DACH1: variants seen among roughly 807,000 people sequenced by gnomAD.
The protein encoded by DACH1 is dachshund homolog 1.
DACH1 carries 12 observed loss-of-function variants against 54.2 expected under a neutral mutation model. The ratio of observed to expected loss-of-function variants is 0.22; its 90% CI spans 0.14 to 0.36. DACH1 has a LOEUF of 0.36. DACH1 is among the 10% of genes least tolerant of loss of function. DACH1 has a pLI of 1.00. For missense variants in DACH1, 805 were observed against 929.8 expected, an observed-to-expected ratio of 0.87 and a Z score of 1.75; for synonymous variants, 386 against 366.2, an observed-to-expected ratio of 1.05 and a Z score of -0.62.
intron 2 of DACH1, among the ~76,000 whole-genome samples, chr13:71,657,954 A>G (rs1353028809): frequency 6.6e-6 from 1 of 152,222 alleles, no homozygotes; most frequent in East Asian, 1.9e-4. Context: ...TTCAACACAA[A>G]ATAAAAAATG....
intron 1 of DACH1, among the ~76,000 whole-genome samples, chr13:71,756,322 A>G (rs1594182909): frequency 1.3e-5 from 2 of 152,084 alleles, no homozygotes; most frequent in East Asian, 3.9e-4. Context: ...GGATTACCTA[A>G]GTGTGAGCCA....
intron 1 of DACH1, among the ~76,000 whole-genome samples, chr13:71,712,519 T>C (rs1882767221): frequency 6.6e-6 from 1 of 152,098 alleles, no homozygotes; most frequent in South Asian, 2.1e-4. Flanking sequence ...ACTTGGCAAA[T>C]GTTTTTAGAA....
intron 1 of DACH1, among the ~76,000 whole-genome samples, chr13:71,770,459 C>T (rs369563049): frequency 1.3e-4 from 19 of 151,630 alleles, no homozygotes; most frequent in African/African-American, 4.3e-4. Context: ...TTAAATCATC[C>T]TTTAATTCTA....
chr13:71,601,796 A>G (rs1874512820), intron 3 of DACH1, among the ~76,000 whole-genome samples: 1 of 152,030 alleles, frequency 6.6e-6, no homozygotes, highest in African/African-American at 2.4e-5. Flanking sequence ...ACCACTGATC[A>G]TATAGCATAT....
chr13:71,739,905 A>T (rs549900538), intron 1 of DACH1, among the ~76,000 whole-genome samples: 22 of 152,368 alleles, frequency 1.4e-4, no homozygotes, highest in African/African-American at 5.3e-4. Context: ...TGAAGCTAAT[A>T]ACGTGAGCTT....
chr13:71,538,451 C>A (rs1490242875), intron 6 of DACH1, among the ~76,000 whole-genome samples: 2 of 150,918 alleles, frequency 1.3e-5, no homozygotes, highest in African/African-American at 2.4e-5. Flanking sequence ...GCAAAAGAAA[C>A]CTTGGAAGGT....
At chr13:71,622,879 T>A (rs1415572541) in intron 3 of DACH1, among the ~76,000 whole-genome samples, 5 of 151,772 alleles carry the variant, frequency 3.3e-5, no homozygotes, top group Admixed American at 3.3e-4. Context: ...GAATTAGCAA[T>A]ATTGAAATCA....
chr13:71,860,084 A>G (rs1428037996), intron 1 of DACH1, among the ~76,000 whole-genome samples: 1 of 151,774 alleles, frequency 6.6e-6, no homozygotes, highest in Non-Finnish European at 1.5e-5. Context: ...AACAAACATA[A>G]TAGAGAAGGG....
chr13:71,512,373 T>C (rs1031558075), intron 6 of DACH1, among the ~76,000 whole-genome samples: 1 of 151,848 alleles, frequency 6.6e-6, no homozygotes, highest in African/African-American at 2.4e-5. Flanking sequence ...CAAGTACCAT[T>C]ATATGAAAGG....
chr13:71,646,270 G>A (rs1878258795), intron 2 of DACH1, among the ~76,000 whole-genome samples: 1 of 151,256 alleles, frequency 6.6e-6, no homozygotes, highest in South Asian at 2.1e-4. Flanking sequence ...CCGGGAGGCA[G>A]AGCTTGCAGT....
chr13:71,698,259 T>G (rs1881932571), intron 1 of DACH1, among the ~76,000 whole-genome samples: 2 of 151,960 alleles, frequency 1.3e-5, no homozygotes, highest in African/African-American at 4.8e-5. Context: ...TGCATATGAA[T>G]AGAAAAATAA....
intron 1 of DACH1, among the ~76,000 whole-genome samples, chr13:71,825,736 C>T (rs1288141505): frequency 2.0e-5 from 3 of 151,940 alleles, no homozygotes; most frequent in African/African-American, 7.3e-5. Context: ...TTTGTTTGGG[C>T]TATTATGAAT....
chr13:71,458,521 A>C (rs753105938), intron 10 of DACH1, among the ~76,000 whole-genome samples: 4 of 151,856 alleles, frequency 2.6e-5, no homozygotes, highest in Non-Finnish European at 4.4e-5. Context: ...AAAAATATCA[A>C]AATTTCTAAA....
chr13:71,681,719 C>A, intron 2 of DACH1, 76 bp downstream of exon 2: 1 of 970,332 alleles, frequency 1.0e-6, no homozygotes. Flanking sequence ...ATATCGATGT[C>A]ACCACAGATA....
chr13:71,482,460 C>G (rs1018437801), intron 7 of DACH1, among the ~76,000 whole-genome samples: 2 of 152,106 alleles, frequency 1.3e-5, no homozygotes, highest in African/African-American at 4.8e-5. Context: ...GTCACTGAAA[C>G]TCATGTGATA....
intron 6 of DACH1, among the ~76,000 whole-genome samples, chr13:71,547,780 C>T (rs1883553558): frequency 1.3e-5 from 2 of 152,102 alleles, no homozygotes; most frequent in African/African-American, 4.8e-5. Context: ...TTCATATAAA[C>T]TTCAAATTAG....
chr13:71,788,417 A>G (rs770340261), intron 1 of DACH1, among the ~76,000 whole-genome samples: 4 of 152,174 alleles, frequency 2.6e-5, no homozygotes, highest in Non-Finnish European at 5.9e-5. Flanking sequence ...AAATATGCAT[A>G]TACATTTCTG....
At position 71,866,368 on chromosome 13, in the gene DACH1, G is replaced by A; in HGVS notation, c.402C>T (p.Ile134=). The change falls in exon 1 of 11, where the codon ATC becomes ATT. Residue 134 remains isoleucine, a synonymous_variant. Transcript: ENST00000613252. ...TGCTGCTGCTGCCGGTGCTGGCGTT[G>A]ATGGGGGTGCTGGAAGCGACGCCGC... is the stretch of plus-strand genomic sequence containing the variant. The part of the protein sequence containing the change: ...AGGGVASSTP[I]NASTGSSSSS... 4.6e-6 allele frequency: 7 copies of A among 1,516,012 alleles called. No individual in the cohort carries two copies. Among genetic ancestry groups the A allele is most frequent in the Non-Finnish European group, 6.2e-6 (7 of 1,129,990 alleles). 93.9% of individuals were successfully genotyped at this position (1,516,012 alleles called of 1,614,324 possible).
At chr13:71,686,234 C>A (rs1298347862) in intron 1 of DACH1, among the ~76,000 whole-genome samples, 1 of 152,116 alleles carries the variant, frequency 6.6e-6, no homozygotes, top group Non-Finnish European at 1.5e-5. Context: ...TTAGTATTTT[C>A]AAACATCTGC....
Sources: gnomAD v4.1 joint callset for allele counts (sites outside exome capture counted in the v4.1 genomes callset) on GRCh38, gnomAD v4.1.1 for gene constraint, MANE v1.5 for transcripts, NCBI Gene and HGNC (gene_info 2026-07-23, HGNC 2026-07-21) for gene names.